SEC22A: variants seen among roughly 807,000 people sequenced by gnomAD.
SEC22A encodes the protein SEC22 homolog A, vesicle trafficking protein.
In SEC22A, 22 loss-of-function variants were observed where a neutral mutation model predicts 35.3. The observed-to-expected ratio is 0.62, with a 90% confidence interval of 0.45 to 0.89. SEC22A has a LOEUF of 0.89. Among genes scored for constraint, SEC22A ranks in the 40% least tolerant of loss-of-function variants. The pLI is 0.00. For missense variants in SEC22A, 354 were observed against 362.5 expected (o/e 0.98, Z 0.19); for synonymous variants, 119 against 129.5 (o/e 0.92, Z 0.55).
Position 123,225,224 on chromosome 3 carries a change from C to G in SEC22A, c.468C>G (p.Cys156Trp). The G allele has an allele frequency of 6.2e-7, 1 of 1,613,412 alleles. No individual in the cohort carries two copies. The highest frequency in any genetic ancestry group is 8.5e-7 in the Non-Finnish European group (1 of 1,179,516). Residue 156 changes from cysteine to tryptophan, a missense_variant, in exon 4 of 7, where the codon TGC becomes TGG. By Grantham distance (215) the Cys-to-Trp change is radical (BLOSUM62 -2). Transcript: ENST00000492595. ...KLRPPYQISM[C>W]ELGSANGVTS... ...GGCCTCCTTATCAAATTTCCATGTGCGAACTGGGGTCAGCCAATGGAGTCA... is the reference window on the plus strand; with the variant it reads ...GGCCTCCTTATCAAATTTCCATGTGGGAACTGGGGTCAGCCAATGGAGTCA...
chr3:123,203,022 T>C (rs530921383), intron 1 of SEC22A, among the ~76,000 whole-genome samples: 1 of 150,008 alleles, frequency 6.7e-6, no homozygotes, highest in Admixed American at 6.6e-5. Flanking sequence ...GGGTATTTCC[T>C]ATGTTGAAAA....
rs184396922 is a variant in SEC22A at position 123,203,668 on chromosome 3, G to T, written c.-20+1682G>T. Among the ~76,000 whole-genome samples the T allele has an allele frequency of 1.9e-3, 284 of 152,216 alleles. 1 individual carries two copies. The highest frequency in any genetic ancestry group is 6.7e-3 in the African/African-American group (277 of 41,522). On this transcript the variant is annotated intron_variant, in intron 1 of 6. Transcript: ENST00000492595. The stretch of plus-strand genomic sequence containing the variant: ...TATCCCTGGTTTCTTGTGTCTTGTT[G>T]GTTTTGGGAGACTGATGAAGCATAG...
intron 4 of SEC22A, 53 bp downstream of exon 4, chr3:123,225,350 G>C (rs1937202717): frequency 9.1e-7 from 1 of 1,104,670 alleles, no homozygotes. Context: ...GGGAAAAACT[G>C]AGAAACTCTT....
intron 4 of SEC22A, among the ~76,000 whole-genome samples, chr3:123,232,169 G>A (rs560673547): frequency 2.3e-4 from 35 of 152,302 alleles, no homozygotes; most frequent in African/African-American, 7.7e-4. Context: ...AAACGTGGGA[G>A]GTGGAGGTTG....
intron 6 of SEC22A, among the ~76,000 whole-genome samples, chr3:123,265,130 G>T (rs181379149): frequency 6.6e-6 from 1 of 151,954 alleles, no homozygotes; most frequent in Non-Finnish European, 1.5e-5. Context: ...TTTTCATTCC[G>T]TAAAGAATAT....
intron 5 of SEC22A, among the ~76,000 whole-genome samples, chr3:123,249,514 C>CATATAT (rs151068447): frequency 6.7e-6 from 1 of 150,274 alleles, no homozygotes; most frequent in African/African-American, 2.4e-5. Flanking sequence ...TGTTTTTTAT[C>CATATAT]ATATATATAT....
intron 4 of SEC22A, among the ~76,000 whole-genome samples, chr3:123,232,600 A>T (rs1444795018): frequency 6.6e-6 from 1 of 152,174 alleles, no homozygotes; most frequent in Admixed American, 6.5e-5. Context: ...TAATCCCACC[A>T]CTTTGGGAGG....
At chr3:123,252,454 G>C (rs1937625695) in intron 5 of SEC22A, among the ~76,000 whole-genome samples, 1 of 152,138 alleles carries the variant, frequency 6.6e-6, no homozygotes. Context: ...ACCCCAGATT[G>C]AGTGGGCTTA....
chr3:123,222,581 C>G (rs569772322), intron 2 of SEC22A, among the ~76,000 whole-genome samples: 61 of 152,136 alleles, frequency 4.0e-4, no homozygotes, highest in African/African-American at 1.3e-3. Flanking sequence ...ACACTTTTTC[C>G]TTTTCAAAAA....
chr3:123,260,866 C>T lies in SEC22A; in HGVS notation c.723+1277C>T, dbSNP rs1255545390. Among the ~76,000 whole-genome samples the T allele has an allele frequency of 5.7e-5, 8 of 141,514 alleles. No individual in the cohort carries two copies. In the East Asian group the frequency reaches 1.0e-3, roughly 18 times the overall value. 92.8% of individuals were successfully genotyped at this position (141,514 alleles called of 152,430 possible). ...TTTTTTTTTTTTTTTGACGGAGTCT[C>T]GCTCTGTCGCCCAGGCTGGAGTGCA... On this transcript the variant is annotated intron_variant, in intron 6 of 6. Coordinates refer to ENST00000492595, the MANE Select transcript of SEC22A (RefSeq NM_012430.5).
chr3:123,247,817 A>G (rs1559760544), intron 5 of SEC22A, among the ~76,000 whole-genome samples: 1 of 152,204 alleles, frequency 6.6e-6, no homozygotes, highest in Non-Finnish European at 1.5e-5. Flanking sequence ...CAAAATCCTC[A>G]ACAAAATACT....
Position 123,253,698 on chromosome 3 carries a change from G to A in SEC22A, c.658-5826G>A, listed in dbSNP as rs534788544. On this transcript the variant is annotated intron_variant, in intron 5 of 6. Coordinates refer to ENST00000492595, the MANE Select transcript of SEC22A (RefSeq NM_012430.5). Reference sequence around the variant, plus strand: ...ATTGCACTCTAGCCTGGGCGACAGAGCAAGACTCCATCTCAAAAAAAAAAA... The same window carrying A: ...ATTGCACTCTAGCCTGGGCGACAGAACAAGACTCCATCTCAAAAAAAAAAA... Among the ~76,000 whole-genome samples the A allele has an allele frequency of 1.2e-4, 16 of 135,224 alleles. No homozygotes were observed. The East Asian group carries it at 3.4e-3, about 29-fold the overall frequency. 88.7% of individuals were successfully genotyped at this position (135,224 alleles called of 152,430 possible).
In SEC22A at chr3:123,272,511, A is replaced by T. The variant is rs537687626; in HGVS notation, c.*789A>T. Reference sequence around the variant, plus strand: ...TTTAAATTTTAAAGTTTTTTTAAAAAAATGAATCCTGCTCCAAGTGGAAAA... The same window carrying T: ...TTTAAATTTTAAAGTTTTTTTAAAATAATGAATCCTGCTCCAAGTGGAAAA... On this transcript the variant is annotated 3_prime_UTR_variant, in exon 7 of 7. Transcript: ENST00000492595. 20 of 152,364 alleles carry T rather than the reference A, an allele frequency of 1.3e-4. No homozygotes were observed. Among genetic ancestry groups the T allele is most frequent in the Non-Finnish European group, 8.8e-5 (6 of 68,044 alleles). 9.4% of individuals were successfully genotyped at this position (152,364 alleles called of 1,614,324 possible). A position where few individuals can be genotyped will look rare whatever the true frequency, so the allele number is the denominator to read the frequency against.
chr3:123,260,255 T>C (rs577177340), intron 6 of SEC22A, among the ~76,000 whole-genome samples: 2 of 151,520 alleles, frequency 1.3e-5, no homozygotes, highest in African/African-American at 4.8e-5. Context: ...AGGGAAGTTT[T>C]TGAATAGAGA....
At chr3:123,261,889 C>T (rs374883167) in intron 6 of SEC22A, among the ~76,000 whole-genome samples, 5 of 152,228 alleles carry the variant, frequency 3.3e-5, no homozygotes, top group East Asian at 1.9e-4. Context: ...AGAACAGCCT[C>T]GAGTAGTTCT....
intron 1 of SEC22A, among the ~76,000 whole-genome samples, chr3:123,202,449 C>G (rs532123633): frequency 2.2e-4 from 34 of 152,242 alleles, no homozygotes; most frequent in Non-Finnish European, 3.8e-4. Context: ...GGGACTTGAA[C>G]CAGTGTCTTA....
chr3:123,269,363 A>G (rs929280088), intron 6 of SEC22A, among the ~76,000 whole-genome samples: 2 of 152,184 alleles, frequency 1.3e-5, no homozygotes, highest in African/African-American at 4.8e-5. Context: ...ACTAAAATTA[A>G]TGAGCAAAAG....
intron 6 of SEC22A, among the ~76,000 whole-genome samples, chr3:123,263,741 T>C (rs1240010056): frequency 6.6e-6 from 1 of 152,178 alleles, no homozygotes; most frequent in Admixed American, 6.5e-5. Context: ...TCTGACCTCG[T>C]GATCCGCCCA....
chr3:123,216,960 G>C (rs963870078), intron 2 of SEC22A, among the ~76,000 whole-genome samples: 5 of 152,082 alleles, frequency 3.3e-5, no homozygotes, highest in Non-Finnish European at 7.3e-5. Context: ...CTGAGTAGCT[G>C]TGACTATGGG....
Sources: gnomAD v4.1 joint callset for allele counts (sites outside exome capture counted in the v4.1 genomes callset) on GRCh38, gnomAD v4.1.1 for gene constraint, MANE v1.5 for transcripts, NCBI Gene and HGNC (gene_info 2026-07-23, HGNC 2026-07-21) for gene names.